SDK1: variants seen among roughly 807,000 people sequenced by gnomAD.
SDK1 encodes sidekick cell adhesion molecule 1.
Under a neutral mutation model 245.5 loss-of-function variants are expected in SDK1, and 157 were observed. The ratio of observed to expected loss-of-function variants is 0.64; its 90% confidence interval spans 0.56 to 0.73. The LOEUF (loss-of-function observed/expected upper bound fraction) is 0.73, where lower values mean the gene tolerates loss of function less well. Ranked by LOEUF, SDK1 falls within the 30% of genes least tolerant of loss-of-function variation. The pLI, the probability that SDK1 is intolerant of heterozygous loss-of-function variation, is 0.00. For synonymous variants in SDK1, 1,647 were observed against 1,278.5 expected, an observed-to-expected ratio of 1.29 and a Z score of -6.15; for missense variants, 3,583 against 3,002.3, an observed-to-expected ratio of 1.19 and a Z score of -4.52.
chr7:3,954,987 G>A (rs1310720782), intron 7 of SDK1, among the ~76,000 whole-genome samples: 1 of 151,816 alleles, frequency 6.6e-6, no homozygotes, highest in Admixed American at 6.6e-5. Context: ...GGTAAGACAA[G>A]GATGCCCCTT....
intron 5 of SDK1, among the ~76,000 whole-genome samples, chr7:3,938,659 A>AAAAAAAAAAAAAAAAAG (rs1554284813): frequency 4.0e-5 from 6 of 151,060 alleles, no homozygotes; most frequent in African/African-American, 1.5e-4. Context: ...AAAAAAAAAA[A>AAAAAAAAAAAAAAAAAG]AGAGATCCTC....
intron 1 of SDK1, among the ~76,000 whole-genome samples, chr7:3,410,615 C>G (rs189631119): frequency 3.8e-4 from 42 of 109,648 alleles, no homozygotes; most frequent in African/African-American, 1.6e-3. Context: ...GAGAAGGAGT[C>G]TTGCTCTGTC....
chr7:3,664,739 C>CA lies in SDK1; in HGVS notation c.713+22652dup, dbSNP rs3083410. Among the ~76,000 whole-genome samples the CA allele has an allele frequency of 8.0e-3, 991 of 123,500 alleles. 16 individuals carry two copies. Among genetic ancestry groups the CA allele is most frequent in the Admixed American group, 0.044 (551 of 12,636 alleles). The allele number at this position is 123,500 out of a possible 152,430, so 81.0% of individuals were successfully genotyped here. A position where few individuals can be genotyped will look rare whatever the true frequency, so the allele number is the denominator to read the frequency against. ...TGGGCAACAGAGCGAGACTCTGTCT[C>CA]AAAAAAAAAAAAAAAAAATTGAGAA... On this transcript the variant is annotated intron_variant, in intron 4 of 44. Transcript: ENST00000404826.
At chr7:4,090,334 G>A (rs1018223374) in intron 22 of SDK1, among the ~76,000 whole-genome samples, 7 of 152,078 alleles carry the variant, frequency 4.6e-5, no homozygotes, top group Non-Finnish European at 8.8e-5. Flanking sequence ...GGGCAATGAG[G>A]GCACCAGTGA....
chr7:3,573,379 C>T (rs923921440), intron 1 of SDK1, among the ~76,000 whole-genome samples: 2 of 152,066 alleles, frequency 1.3e-5, no homozygotes, highest in Admixed American at 6.5e-5. Flanking sequence ...AGCAGAGCAC[C>T]CTTCTCTGCT....
At chr7:3,323,153 GC>G (rs1040897199) in intron 1 of SDK1, among the ~76,000 whole-genome samples, 3 of 151,974 alleles carry the variant, frequency 2.0e-5, no homozygotes, top group African/African-American at 7.3e-5. Flanking sequence ...CTGTCTCCTA[GC>G]CCCCTTCCCC....
intron 35 of SDK1, among the ~76,000 whole-genome samples, chr7:4,186,896 C>T (rs1782929318): frequency 6.6e-6 from 1 of 152,168 alleles, no homozygotes; most frequent in South Asian, 2.1e-4. Flanking sequence ...CCAGTTCTTG[C>T]CCTGTGCTTT....
Position 4,012,245 on chromosome 7 carries a change from C to T in SDK1, c.2420+10C>T, listed in dbSNP as rs202152425. Reference sequence around the variant, plus strand: ...GTGGATACATCCTCAGGCAAGTGCCCTGTGATTGGCCATCTTTAGGCCGCC... The same window carrying T: ...GTGGATACATCCTCAGGCAAGTGCCTTGTGATTGGCCATCTTTAGGCCGCC... On this transcript the variant is annotated intron_variant, in intron 16 of 44. Transcript: ENST00000404826. 131 of 1,478,098 alleles carry T rather than the reference C, an allele frequency of 8.9e-5. No homozygotes were observed. Among genetic ancestry groups the T allele is most frequent in the Admixed American group, 1.3e-4 (5 of 39,500 alleles). 91.6% of individuals were successfully genotyped at this position (1,478,098 alleles called of 1,614,324 possible).
chr7:3,726,434 A>G lies in SDK1; in HGVS notation c.713+84329A>G, dbSNP rs1055733940. Among the ~76,000 whole-genome samples, 4 of 152,326 alleles carry G rather than the reference A, an allele frequency of 2.6e-5. No homozygotes were observed. In the East Asian group the frequency reaches 7.7e-4, roughly 29 times the overall value. On this transcript the variant is annotated intron_variant, in intron 4 of 44. Transcript: ENST00000404826. Reference sequence around the variant, plus strand: ...TACAGGAAACTGTTTTTGCAGTCTTATGGCAAATTTTGAGGCCCAACTCTC... The same window carrying G: ...TACAGGAAACTGTTTTTGCAGTCTTGTGGCAAATTTTGAGGCCCAACTCTC...
intron 32 of SDK1, among the ~76,000 whole-genome samples, chr7:4,162,227 C>G (rs1781179123): frequency 6.6e-6 from 1 of 151,970 alleles, no homozygotes; most frequent in African/African-American, 2.4e-5. Context: ...TGGTTATCGC[C>G]CTACAAGGCA....
intron 17 of SDK1, among the ~76,000 whole-genome samples, chr7:4,033,192 A>G (rs1181971237): frequency 6.6e-6 from 1 of 152,224 alleles, no homozygotes; most frequent in Non-Finnish European, 1.5e-5. Context: ...ATAAAAGGAC[A>G]TCTTGAATAA....
At chr7:3,892,650 A>T (rs1781489111) in intron 5 of SDK1, among the ~76,000 whole-genome samples, 1 of 152,184 alleles carries the variant, frequency 6.6e-6, no homozygotes, top group Non-Finnish European at 1.5e-5. Context: ...CATGCCTCAA[A>T]TCAAGAACAG....
chr7:3,853,621 A>G (rs1476806279), intron 5 of SDK1, among the ~76,000 whole-genome samples: 3 of 152,064 alleles, frequency 2.0e-5, no homozygotes, highest in Non-Finnish European at 2.9e-5. Flanking sequence ...GAGCACCCCT[A>G]ATCTGGAAAT....
chr7:3,551,801 G>A (rs896089082), intron 1 of SDK1, among the ~76,000 whole-genome samples: 1 of 151,810 alleles, frequency 6.6e-6, no homozygotes, highest in Non-Finnish European at 1.5e-5. Flanking sequence ...CTGGCCTCCC[G>A]AAGAGTTGAG....
intron 2 of SDK1, among the ~76,000 whole-genome samples, chr7:3,626,157 C>G (rs190593135): frequency 5.3e-4 from 81 of 151,580 alleles, no homozygotes; most frequent in Admixed American, 1.1e-3. Flanking sequence ...CCAGCCTAGT[C>G]TTGAACTCCT....
chr7:3,859,521 C>G (rs1251951959), intron 5 of SDK1, among the ~76,000 whole-genome samples: 1 of 152,088 alleles, frequency 6.6e-6, no homozygotes, highest in African/African-American at 2.4e-5. Context: ...TTTTTTCTGT[C>G]TTTCTGCTCT....
chr7:3,432,266 A>G (rs1036538703), intron 1 of SDK1, among the ~76,000 whole-genome samples: 2 of 151,912 alleles, frequency 1.3e-5, no homozygotes. Context: ...TATCGTGATG[A>G]CATTAGTATC....
At chr7:3,832,635 A>G (rs995614585) in intron 5 of SDK1, among the ~76,000 whole-genome samples, 7 of 152,228 alleles carry the variant, frequency 4.6e-5, no homozygotes, top group African/African-American at 1.7e-4. Context: ...AACACTTCGT[A>G]TCTGAGATGT....
intron 14 of SDK1, among the ~76,000 whole-genome samples, chr7:4,008,149 T>A (rs915041180): frequency 1.3e-5 from 2 of 152,246 alleles, no homozygotes; most frequent in African/African-American, 4.8e-5. Flanking sequence ...ACAGTATTTG[T>A]CTTTTTGTGA....
Sources: gnomAD v4.1 joint callset for allele counts (sites outside exome capture counted in the v4.1 genomes callset) on GRCh38, gnomAD v4.1.1 for gene constraint, MANE v1.5 for transcripts, NCBI Gene and HGNC (gene_info 2026-07-23, HGNC 2026-07-21) for gene names.